Variants in CADPS observed in about 807,000 individuals in gnomAD.
CADPS encodes calcium-dependent secretion activator 1.
Under a neutral mutation model 167.3 loss-of-function variants are expected in CADPS, and 57 were observed. That is an observed-to-expected ratio of 0.34 (90% CI 0.28 to 0.42). The LOEUF (loss-of-function observed/expected upper bound fraction) is 0.42, where lower values mean the gene tolerates loss of function less well. Among genes scored for constraint, CADPS ranks in the 20% least tolerant of loss-of-function variants. The pLI, the probability that CADPS is intolerant of heterozygous loss-of-function variation, is 1.00. For synonymous variants in CADPS, 676 were observed against 635.3 expected (o/e 1.06, Z -0.96); for missense variants, 1,414 against 1,738.1 (o/e 0.81, Z 3.32).
chr3:62,511,902 G>A (rs995140446), intron 17 of CADPS, among the ~76,000 whole-genome samples: 3 of 152,126 alleles, frequency 2.0e-5, no homozygotes, highest in Admixed American at 1.3e-4. Context: ...ATAAATGAAT[G>A]AATGAGTGAA....
At chr3:62,775,992 C>T (rs1236957077) in intron 1 of CADPS, among the ~76,000 whole-genome samples, 1 of 152,204 alleles carries the variant, frequency 6.6e-6, no homozygotes, top group Admixed American at 6.5e-5. Context: ...AAAGTACCAG[C>T]AGTCTTCCTC....
At chr3:62,814,150 CT>C (rs2094508374) in intron 1 of CADPS, among the ~76,000 whole-genome samples, 1 of 152,110 alleles carries the variant, frequency 6.6e-6, no homozygotes, top group Non-Finnish European at 1.5e-5. Flanking sequence ...AATATATCAC[CT>C]GAGAAACTCA....
intron 16 of CADPS, chr3:62,513,814 G>A: frequency 1.4e-6 from 1 of 694,928 alleles, no homozygotes; most frequent in Non-Finnish European, 2.5e-6. Context: ...AATAGCCACA[G>A]AGTATTTTGG....
intron 3 of CADPS, among the ~76,000 whole-genome samples, chr3:62,746,571 C>G (rs2081500753): frequency 2.6e-5 from 4 of 152,138 alleles, no homozygotes; most frequent in Admixed American, 2.6e-4. Flanking sequence ...CTTCTGGCCT[C>G]AAGCAATCCT....
chr3:62,816,576 T>A (rs1559757797), intron 1 of CADPS, among the ~76,000 whole-genome samples: 1 of 151,868 alleles, frequency 6.6e-6, no homozygotes, highest in Admixed American at 6.6e-5. Flanking sequence ...TGATGGTAAC[T>A]TTAAATATCT....
intron 1 of CADPS, among the ~76,000 whole-genome samples, chr3:62,792,930 G>A (rs1488925048): frequency 3.3e-5 from 5 of 152,142 alleles, no homozygotes; most frequent in African/African-American, 1.2e-4. Context: ...AGTTTTGGGA[G>A]AAGGTTTAAG....
chr3:62,746,910 G>A (rs1030743908), intron 3 of CADPS, among the ~76,000 whole-genome samples: 4 of 152,104 alleles, frequency 2.6e-5, no homozygotes, highest in African/African-American at 9.7e-5. Context: ...GAGATAATAA[G>A]TGGGCATTCT....
At chr3:62,464,979 G>A (rs1441690591) in intron 26 of CADPS, among the ~76,000 whole-genome samples, 1 of 152,114 alleles carries the variant, frequency 6.6e-6, no homozygotes, top group Non-Finnish European at 1.5e-5. Context: ...ATATTTCCAG[G>A]ACTGAGTGCA....
intron 28 of CADPS, among the ~76,000 whole-genome samples, chr3:62,437,886 G>GTC (rs1560378200): frequency 6.6e-6 from 1 of 152,100 alleles, no homozygotes; most frequent in Non-Finnish European, 1.5e-5. Flanking sequence ...GCCGTCCTAC[G>GTC]TATCACACAG....
intron 3 of CADPS, among the ~76,000 whole-genome samples, chr3:62,707,804 C>G (rs2082602640): frequency 6.6e-6 from 1 of 152,042 alleles, no homozygotes; most frequent in Non-Finnish European, 1.5e-5. Context: ...ATTTTACCTG[C>G]TTATTTTTTT....
intron 3 of CADPS, among the ~76,000 whole-genome samples, chr3:62,684,740 T>C (rs2077697004): frequency 6.6e-6 from 1 of 152,002 alleles, no homozygotes; most frequent in South Asian, 2.1e-4. Context: ...GTGAGTGTCT[T>C]CCCTGGTTTA....
At chr3:62,856,410 G>A (rs1559953197) in intron 1 of CADPS, among the ~76,000 whole-genome samples, 1 of 152,024 alleles carries the variant, frequency 6.6e-6, no homozygotes, top group Non-Finnish European at 1.5e-5. Context: ...AAAGATATCA[G>A]CTTTCTTTAT....
At chr3:62,744,160 T>G (rs1274577554) in intron 3 of CADPS, among the ~76,000 whole-genome samples, 2 of 152,132 alleles carry the variant, frequency 1.3e-5, no homozygotes, top group Non-Finnish European at 2.9e-5. Flanking sequence ...GGATTAAATT[T>G]GATGATGCAT....
chr3:62,575,780 A>G (rs566330504), intron 8 of CADPS, among the ~76,000 whole-genome samples: 1 of 152,318 alleles, frequency 6.6e-6, no homozygotes, highest in African/African-American at 2.4e-5. Flanking sequence ...ATTCTAATTG[A>G]ACAGAGGGGA....
intron 6 of CADPS, among the ~76,000 whole-genome samples, chr3:62,600,255 G>A (rs767433850): frequency 2.9e-4 from 44 of 151,626 alleles, no homozygotes; most frequent in African/African-American, 9.0e-4. Context: ...GGAGCAAGGC[G>A]TCAATCCATG....
At chr3:62,464,885 A>T (rs1272212079) in intron 26 of CADPS, among the ~76,000 whole-genome samples, 7 of 152,062 alleles carry the variant, frequency 4.6e-5, no homozygotes, top group Admixed American at 3.9e-4. Context: ...GAAATACAGA[A>T]TTTTCTGTGA....
intron 3 of CADPS, among the ~76,000 whole-genome samples, chr3:62,721,853 T>C (rs1581133400): frequency 6.6e-6 from 1 of 152,078 alleles, no homozygotes; most frequent in Admixed American, 6.5e-5. Context: ...GTAGGGGAAG[T>C]TTAAGTAATC....
intron 1 of CADPS, among the ~76,000 whole-genome samples, chr3:62,821,228 A>T (rs1224570143): frequency 6.6e-6 from 1 of 152,150 alleles, no homozygotes; most frequent in Admixed American, 6.5e-5. Flanking sequence ...TAGGGGCTTA[A>T]AACACCACTT....
chr3:62,721,331 CA>C (rs1209733831), intron 3 of CADPS, among the ~76,000 whole-genome samples: 3 of 151,860 alleles, frequency 2.0e-5, no homozygotes, highest in African/African-American at 7.3e-5. Flanking sequence ...TACTGTTCAC[CA>C]GGGGGGCATT....
Sources: allele counts gnomAD v4.1 joint callset (sites outside exome capture counted in the v4.1 genomes callset), GRCh38; gene constraint gnomAD v4.1.1; transcripts MANE v1.5; gene names NCBI Gene and HGNC (gene_info 2026-07-23, HGNC 2026-07-21).